The following CNTNAP2 variants were observed in gnomAD, a reference collection of about 807,000 sequenced individuals.
CNTNAP2 encodes contactin-associated protein-like 2.
A neutral mutation model predicts 155.2 loss-of-function variants in CNTNAP2; 98 were observed. That is an observed-to-expected ratio of 0.63 (90% CI 0.54 to 0.75). The LOEUF is 0.75. CNTNAP2 is among the 30% of genes least tolerant of loss of function. The pLI, the probability that CNTNAP2 is intolerant of heterozygous loss-of-function variation, is 0.00. For missense variants in CNTNAP2, 1,727 were observed against 1,688.1 expected (o/e 1.02, Z -0.40); for synonymous variants, 651 against 631.2 (o/e 1.03, Z -0.47).
intron 22 of CNTNAP2, among the ~76,000 whole-genome samples, chr7:148,398,764 G>A (rs144525668): frequency 1.7e-3 from 263 of 152,288 alleles, no homozygotes; most frequent in African/African-American, 5.9e-3. Flanking sequence ...AATGCCCAGG[G>A]GATGTGTTTC....
At position 146,842,745 on chromosome 7, in the gene CNTNAP2, A is replaced by G. The variant is rs192034316; in HGVS notation, c.402+2841A>G. Among the ~76,000 whole-genome samples the G allele has an allele frequency of 6.4e-3, 968 of 151,016 alleles. 9 individuals are homozygous for G. Among genetic ancestry groups the G allele is most frequent in the African/African-American group, 0.022 (886 of 41,096 alleles). ...CTTTCGCCCAGGCTGGAGTGCAGTG[A>G]CGCGATCTCGGCTCACTGCAAGCTC... On this transcript the variant is annotated intron_variant, in intron 3 of 23. Transcript: ENST00000361727.
intron 1 of CNTNAP2, among the ~76,000 whole-genome samples, chr7:146,548,165 T>A (rs989343824): frequency 1.3e-5 from 2 of 151,996 alleles, no homozygotes; most frequent in Non-Finnish European, 2.9e-5. Flanking sequence ...TCCCTCTATG[T>A]GTCCACGTGT....
intron 20 of CNTNAP2, among the ~76,000 whole-genome samples, chr7:148,233,191 T>C (rs945894862): frequency 6.6e-6 from 1 of 152,212 alleles, no homozygotes; most frequent in Non-Finnish European, 1.5e-5. Context: ...AGCGAAACAT[T>C]CTAATCAACA....
intron 13 of CNTNAP2, among the ~76,000 whole-genome samples, chr7:147,735,166 T>C (rs1231075344): frequency 1.4e-4 from 22 of 152,192 alleles, no homozygotes; most frequent in Non-Finnish European, 1.6e-4. Flanking sequence ...TTTAGTGCTA[T>C]AAATTTCCCT....
At chr7:148,338,783 G>C (rs1352341694) in intron 21 of CNTNAP2, among the ~76,000 whole-genome samples, 2 of 152,128 alleles carry the variant, frequency 1.3e-5, no homozygotes, top group Admixed American at 6.6e-5. Context: ...GGGATTTAAG[G>C]CTTCTCAAAA....
chr7:146,887,002 A>C (rs1272002930), intron 3 of CNTNAP2, among the ~76,000 whole-genome samples: 1 of 151,578 alleles, frequency 6.6e-6, no homozygotes, highest in Non-Finnish European at 1.5e-5. Flanking sequence ...AAAAACCCTT[A>C]ACTCCTTTAT....
intron 3 of CNTNAP2, among the ~76,000 whole-genome samples, chr7:146,843,993 T>C (rs767550866): frequency 4.6e-5 from 7 of 152,068 alleles, no homozygotes. Flanking sequence ...ATCACATGAA[T>C]ATAATTTTAA....
rs115110578 is a variant in CNTNAP2 at position 146,617,143 on chromosome 7, C to T, written c.98-157128C>T. ...CACGCCATTCTCCTGCCTCAGCCTCCCGAGTAGCTGGGATGGAAACCTGTA... is the reference window on the plus strand; with the variant it reads ...CACGCCATTCTCCTGCCTCAGCCTCTCGAGTAGCTGGGATGGAAACCTGTA... On this transcript the variant is annotated intron_variant, in intron 1 of 23. Coordinates refer to ENST00000361727, the MANE Select transcript of CNTNAP2 (RefSeq NM_014141.6). Among the ~76,000 whole-genome samples the T allele has an allele frequency of 2.6e-3, 396 of 152,300 alleles. 2 individuals are homozygous for T. The highest frequency in any genetic ancestry group is 9.1e-3 in the African/African-American group (380 of 41,566).
intron 8 of CNTNAP2, among the ~76,000 whole-genome samples, chr7:147,262,571 G>A (rs569740780): frequency 1.3e-5 from 2 of 152,262 alleles, no homozygotes; most frequent in African/African-American, 4.8e-5. Context: ...TTGGGAGGCC[G>A]AGGTGGGCGG....
In CNTNAP2 at chr7:146,595,369, G is replaced by A. The variant is rs150988909; in HGVS notation, c.98-178902G>A. 3.7e-4 allele frequency among the ~76,000 whole-genome samples: 57 copies of A among 152,038 alleles called. No individual in the cohort carries two copies. In the East Asian group the frequency reaches 9.5e-3, roughly 25 times the overall value. On this transcript the variant is annotated intron_variant, in intron 1 of 23. Coordinates refer to ENST00000361727, the MANE Select transcript of CNTNAP2 (RefSeq NM_014141.6). Reference sequence around the variant, plus strand: ...TGAGTTATATAAATGTATAAGGAAGGTACGTGGGAAAAATATATAATAGTA... The same window carrying A: ...TGAGTTATATAAATGTATAAGGAAGATACGTGGGAAAAATATATAATAGTA...
intron 1 of CNTNAP2, among the ~76,000 whole-genome samples, chr7:146,632,628 A>G (rs965294141): frequency 1.3e-5 from 2 of 152,080 alleles, no homozygotes; most frequent in Admixed American, 1.3e-4. Flanking sequence ...CTTAACCATA[A>G]CGTAGAGTAA....
intron 1 of CNTNAP2, among the ~76,000 whole-genome samples, chr7:146,309,932 T>G (rs1272122846): frequency 6.6e-6 from 1 of 152,104 alleles, no homozygotes. Flanking sequence ...AATTTAACAA[T>G]TTGAACTAAA....
At chr7:148,238,467 C>A (rs1249218176) in intron 20 of CNTNAP2, among the ~76,000 whole-genome samples, 1 of 152,214 alleles carries the variant, frequency 6.6e-6, no homozygotes, top group East Asian at 1.9e-4. Flanking sequence ...GTTGTCTTTG[C>A]AAGTGGGCAA....
intron 1 of CNTNAP2, among the ~76,000 whole-genome samples, chr7:146,688,216 C>A (rs913667912): frequency 3.9e-5 from 6 of 152,056 alleles, no homozygotes; most frequent in Admixed American, 3.3e-4. Context: ...AATTTCTGTA[C>A]TATTTAATAG....
intron 14 of CNTNAP2, among the ~76,000 whole-genome samples, chr7:147,923,610 C>A (rs73462182): frequency 0.031 from 4,640 of 151,834 alleles, 256 homozygotes; most frequent in African/African-American, 0.11. Flanking sequence ...ATTGCCAGGG[C>A]TCCAGCAATC....
At chr7:147,648,558 G>A (rs1358361682) in intron 13 of CNTNAP2, among the ~76,000 whole-genome samples, 2 of 152,168 alleles carry the variant, frequency 1.3e-5, no homozygotes, top group Non-Finnish European at 2.9e-5. Flanking sequence ...TGGCTGAGGA[G>A]GCCTCACAAT....
At chr7:146,182,827 T>C (rs1033794018) in intron 1 of CNTNAP2, among the ~76,000 whole-genome samples, 3 of 152,164 alleles carry the variant, frequency 2.0e-5, no homozygotes, top group Non-Finnish European at 2.9e-5. Flanking sequence ...CTCTCACTCT[T>C]GTACCTCTCT....
chr7:146,511,963 T>C (rs1274373974), intron 1 of CNTNAP2, among the ~76,000 whole-genome samples: 1 of 152,128 alleles, frequency 6.6e-6, no homozygotes, highest in Non-Finnish European at 1.5e-5. Context: ...AATATTGGTC[T>C]GTTCAGATGT....
chr7:147,783,790 A>G (rs1797692054), intron 13 of CNTNAP2, among the ~76,000 whole-genome samples: 1 of 152,194 alleles, frequency 6.6e-6, no homozygotes, highest in Admixed American at 6.5e-5. Context: ...CCATGAAAAG[A>G]CACAGCAAGA....
Sources: allele counts gnomAD v4.1 joint callset (sites outside exome capture counted in the v4.1 genomes callset), GRCh38; gene constraint gnomAD v4.1.1; transcripts MANE v1.5; gene names NCBI Gene and HGNC (gene_info 2026-07-23, HGNC 2026-07-21).